NUP153: variants seen among roughly 807,000 people sequenced by gnomAD.
NUP153 encodes the protein nucleoporin 153, also known as nuclear pore complex protein Nup153.
Under a neutral mutation model 134.6 loss-of-function variants are expected in NUP153, and 27 were observed. The ratio of observed to expected loss-of-function variants is 0.20; its 90% CI spans 0.15 to 0.28. NUP153 has a LOEUF of 0.28. NUP153 is among the 10% of genes least tolerant of loss of function. NUP153 has a pLI of 1.00. For synonymous variants in NUP153, 640 were observed against 623.5 expected (o/e 1.03, Z -0.40); for missense variants, 1,821 against 1,731.3 (o/e 1.05, Z -0.92).
chr6:17,701,738 C>G (rs1435106619), intron 1 of NUP153, among the ~76,000 whole-genome samples: 2 of 146,618 alleles, frequency 1.4e-5, no homozygotes, highest in East Asian at 4.0e-4. Context: ...AGAGCTGAGG[C>G]AGGAGAGCTG....
chr6:17,665,468 A>G (rs1267086802), intron 8 of NUP153, 83 bp from the exon 9 acceptor site: 1 of 1,051,680 alleles, frequency 9.5e-7, no homozygotes, highest in Admixed American at 2.2e-5. Context: ...AGCTAACATG[A>G]CCTAAAGACC....
At chr6:17,682,925 G>GAAA (rs58196936) in intron 2 of NUP153, among the ~76,000 whole-genome samples, 10,423 of 123,500 alleles carry the variant, frequency 0.084, 676 homozygotes, top group Middle Eastern at 0.18. Context: ...CAAAAAAGAA[G>GAAA]AAAAAAAAAA....
rs114017367 is a variant in NUP153, at chr6:17,680,731, C to A, written c.335-4961G>T. ...TAATATCCAGAACATAAAAAGTACT[C>A]CAACCCCCAGTGAAAATGGCTTTTA... On this transcript the variant is annotated intron_variant, in intron 2 of 21. Coordinates refer to ENST00000262077, the MANE Select transcript of NUP153 (RefSeq NM_005124.4). The surrounding 1 kb of genome is among the most constrained non-coding windows in gnomAD (Gnocchi z 4.5). Among the ~76,000 whole-genome samples the A allele has an allele frequency of 0.023, 3,518 of 152,208 alleles. 147 individuals carry two copies. Among genetic ancestry groups the A allele is most frequent in the African/African-American group, 0.08 (3,328 of 41,494 alleles).
chr6:17,667,510 C>G (rs1414681220), intron 8 of NUP153, among the ~76,000 whole-genome samples: 1 of 152,108 alleles, frequency 6.6e-6, no homozygotes, highest in Non-Finnish European at 1.5e-5. Flanking sequence ...GTCAAGAGAT[C>G]AAGGCTACCC....
At chr6:17,700,887 T>G (rs1011725974) in intron 1 of NUP153, among the ~76,000 whole-genome samples, 39 of 152,368 alleles carry the variant, frequency 2.6e-4, no homozygotes, top group South Asian at 2.1e-4. Flanking sequence ...AAAAGTTTAC[T>G]GACCCCTGAT....
At chr6:17,690,023 G>C (rs1769180358) in intron 1 of NUP153, among the ~76,000 whole-genome samples, 1 of 151,928 alleles carries the variant, frequency 6.6e-6, no homozygotes, top group African/African-American at 2.4e-5. Flanking sequence ...TAAATAACTT[G>C]CCCAAAGTAG....
intron 14 of NUP153, 44 bp from the exon 15 acceptor site, chr6:17,640,108 C>T (rs2113787738): frequency 1.4e-6 from 2 of 1,379,944 alleles, no homozygotes; most frequent in East Asian, 5.1e-5. Context: ...AAATAAAACA[C>T]TGGACTCTCA....
In NUP153 at chr6:17,616,602, G is replaced by A. The variant is rs1034741775; in HGVS notation, c.4268C>T (p.Thr1423Ile). Residue 1423 changes from threonine to isoleucine, a missense_variant, in exon 21 of 22, where the codon ACA becomes ATA. Physicochemically the swap from Thr to Ile is moderately conservative, Grantham distance 89 (BLOSUM62 -1). Transcript: ENST00000262077. Reference sequence around the variant, plus strand: ...TGAAGGCTGGGCTGAGGCTGCAGGTGTGCTAGAATTTGCACCAAATGTGAA... The same window carrying A: ...TGAAGGCTGGGCTGAGGCTGCAGGTATGCTAGAATTTGCACCAAATGTGAA... ...GVFTFGANSS[T>I]PAASAQPSGS... The A allele has an allele frequency of 1.2e-6, 2 of 1,614,226 alleles. No individual in the cohort carries two copies. Among genetic ancestry groups the A allele is most frequent in the Non-Finnish European group, 1.7e-6 (2 of 1,180,034 alleles).
chr6:17,679,051 C>T (rs987715032), intron 2 of NUP153, among the ~76,000 whole-genome samples: 4 of 151,382 alleles, frequency 2.6e-5, no homozygotes, highest in Middle Eastern at 3.2e-3. Flanking sequence ...AAAAAGCCAG[C>T]TGCAGATAAA....
intron 2 of NUP153, 71 bp downstream of exon 2, chr6:17,688,325 A>G (rs867759606): frequency 8.8e-7 from 1 of 1,134,020 alleles, no homozygotes. Context: ...ATTTACCATA[A>G]CTAGGTAGTG....
intron 2 of NUP153, among the ~76,000 whole-genome samples, chr6:17,685,492 T>C (rs1307824073): frequency 6.8e-6 from 1 of 146,506 alleles, no homozygotes; most frequent in Non-Finnish European, 1.5e-5. Flanking sequence ...GAGCTTGCAA[T>C]GAGCCGAGAT....
At chr6:17,672,233 G>A (rs539561418) in intron 5 of NUP153, among the ~76,000 whole-genome samples, 21 of 151,898 alleles carry the variant, frequency 1.4e-4, no homozygotes, top group African/African-American at 3.1e-4. Flanking sequence ...TGGGTGGGTC[G>A]GGGGAGGGAT....
chr6:17,621,742 T>C (rs1370990373), intron 20 of NUP153, among the ~76,000 whole-genome samples: 1 of 152,146 alleles, frequency 6.6e-6, no homozygotes, highest in Non-Finnish European at 1.5e-5. Flanking sequence ...TACAAACATA[T>C]AGCTAGATAG....
rs1246496081 is a variant in NUP153 at position 17,667,031 on chromosome 6, C to T, written c.1069-1646G>A. Among the ~76,000 whole-genome samples, 6 of 152,140 alleles carry T rather than the reference C, an allele frequency of 3.9e-5. No homozygotes were observed. In the East Asian group the frequency reaches 1.2e-3, roughly 29 times the overall value. On this transcript the variant is annotated intron_variant, in intron 8 of 21. Coordinates refer to ENST00000262077, the MANE Select transcript of NUP153 (RefSeq NM_005124.4). ...TATTCTGGCTTTTTATTTCTTAGCA[C>T]CCATTAATAAACTTTTATGGATACG...
At chr6:17,661,947 T>C in intron 10 of NUP153, 71 bp downstream of exon 10, 1 of 1,289,234 alleles carries the variant, frequency 7.8e-7, no homozygotes, top group Non-Finnish European at 1.1e-6. Context: ...TTCAAAAAGG[T>C]ACATGTAAAT....
rs1372238055 is a variant in NUP153 at position 17,615,221 on chromosome 6, G to A, written c.*876C>T. On this transcript the variant is annotated 3_prime_UTR_variant, in exon 22 of 22. Coordinates refer to ENST00000262077, the MANE Select transcript of NUP153 (RefSeq NM_005124.4). This position sits in a 1 kb window ranked among gnomAD's most constrained non-coding sequence, Gnocchi z 5.7. ...ACTGGTTTTTGGTCCAAACAAAACT[G>A]GATCAGAAAAGCCAATAAATTCAAC... 2 of 152,358 alleles carry A rather than the reference G, an allele frequency of 1.3e-5. No individual in the cohort carries two copies. Among genetic ancestry groups the A allele is most frequent in the Non-Finnish European group, 2.9e-5 (2 of 68,002 alleles). The allele number at this position is 152,358 out of a possible 1,614,324, so 9.4% of individuals were successfully genotyped here.
At chr6:17,630,219 A>G (rs756517954) in intron 17 of NUP153, among the ~76,000 whole-genome samples, 8 of 152,232 alleles carry the variant, frequency 5.3e-5, no homozygotes, top group Non-Finnish European at 8.8e-5. Flanking sequence ...GAAGGTGGAA[A>G]AAGAGACAAT....
chr6:17,705,230 TAA>T (rs1282560447), intron 1 of NUP153, among the ~76,000 whole-genome samples: 2 of 152,216 alleles, frequency 1.3e-5, no homozygotes, highest in Admixed American at 1.3e-4. Flanking sequence ...TCAACAAATT[TAA>T]GACACACACT....
intron 11 of NUP153, among the ~76,000 whole-genome samples, chr6:17,652,468 A>T (rs1382529914): frequency 2.0e-5 from 3 of 152,172 alleles, no homozygotes; most frequent in African/African-American, 7.2e-5. Flanking sequence ...CTATAAAAGC[A>T]AAATTACAAT....
Sources: allele counts gnomAD v4.1 joint callset (sites outside exome capture counted in the v4.1 genomes callset), GRCh38; gene constraint gnomAD v4.1.1; non-coding constraint Gnocchi (gnomAD v3.1); transcripts MANE v1.5; gene names NCBI Gene and HGNC (gene_info 2026-07-23, HGNC 2026-07-21).